Variants in RBMS3 observed in about 807,000 individuals in gnomAD.
The protein encoded by RBMS3 is RNA-binding motif, single-stranded-interacting protein 3.
Under a neutral mutation model 66.8 loss-of-function variants are expected in RBMS3, and 27 were observed. The ratio of observed to expected loss-of-function variants is 0.40; its 90% CI spans 0.30 to 0.56. RBMS3 has a LOEUF of 0.56. Among genes scored for constraint, RBMS3 ranks in the 20% least tolerant of loss-of-function variants. The pLI is 0.40. For synonymous variants in RBMS3, 188 were observed against 183.0 expected (o/e 1.03, Z -0.22); for missense variants, 513 against 549.5 (o/e 0.93, Z 0.66).
chr3:29,686,653 G>C (rs76405898), intron 4 of RBMS3, among the ~76,000 whole-genome samples: 7,727 of 151,998 alleles, frequency 0.051, 677 homozygotes, highest in African/African-American at 0.18. Context: ...CTCTATCCTG[G>C]ACCACACAGA....
chr3:29,618,991 C>T (rs2048770247), intron 4 of RBMS3, among the ~76,000 whole-genome samples: 1 of 151,938 alleles, frequency 6.6e-6, no homozygotes, highest in Non-Finnish European at 1.5e-5. Flanking sequence ...AAGATCTTCT[C>T]CAGTGTGTGA....
intron 4 of RBMS3, among the ~76,000 whole-genome samples, chr3:29,639,474 T>A (rs1026620361): frequency 6.6e-6 from 1 of 151,782 alleles, no homozygotes; most frequent in Non-Finnish European, 1.5e-5. Flanking sequence ...AAGGTTGAAT[T>A]TACTTGGCCA....
Position 29,974,439 on chromosome 3 carries a change from C to G in RBMS3, c.1099-13704C>G, listed in dbSNP as rs142724256. On this transcript the variant is annotated intron_variant, in intron 12 of 14. Transcript: ENST00000383767. ...TTGTTTTCTGTCAGTTTTTTAAAAG[C>G]TCTTTTATTGAAGTATAACACATGT... Among the ~76,000 whole-genome samples, 714 of 151,882 alleles carry G rather than the reference C, an allele frequency of 4.7e-3. 14 individuals are homozygous for G. In the East Asian group the frequency reaches 0.083, roughly 18 times the overall value.
In RBMS3 at chr3:29,959,969, C is replaced by T. The variant is rs973606912; in HGVS notation, c.1098+15715C>T. Among the ~76,000 whole-genome samples the T allele has an allele frequency of 1.8e-4, 28 of 152,172 alleles. 1 individual carries two copies. In the South Asian group the frequency reaches 3.3e-3, roughly 18 times the overall value. On this transcript the variant is annotated intron_variant, in intron 12 of 14. Coordinates refer to ENST00000383767, the MANE Select transcript of RBMS3 (RefSeq NM_001003793.3). ...ATACCCAAACCATATTATTTCACCCCGGCCCCTCCCAAATCTCATGTCCTT... is the reference window on the plus strand; with the variant it reads ...ATACCCAAACCATATTATTTCACCCTGGCCCCTCCCAAATCTCATGTCCTT...
At chr3:29,940,295 C>A (rs950606829) in intron 11 of RBMS3, among the ~76,000 whole-genome samples, 21 of 151,894 alleles carry the variant, frequency 1.4e-4, no homozygotes, top group African/African-American at 4.8e-4. Context: ...ACGTCTCTCT[C>A]CTAACTGAAA....
At chr3:29,686,790 A>G (rs546493032) in intron 4 of RBMS3, among the ~76,000 whole-genome samples, 1 of 152,364 alleles carries the variant, frequency 6.6e-6, no homozygotes, top group East Asian at 1.9e-4. Context: ...ATCTTGGTAC[A>G]TATAAACTCT....
chr3:29,953,026 G>T (rs750614205), intron 12 of RBMS3, among the ~76,000 whole-genome samples: 8 of 151,922 alleles, frequency 5.3e-5, no homozygotes, highest in Non-Finnish European at 1.2e-4. Flanking sequence ...ACATAGTTAA[G>T]TTCATTAGCT....
chr3:29,287,081 T>A (rs1335064027), intron 1 of RBMS3, among the ~76,000 whole-genome samples: 1 of 152,096 alleles, frequency 6.6e-6, no homozygotes, highest in Non-Finnish European at 1.5e-5. Context: ...AAAGCGAAAA[T>A]GTATTCATGT....
chr3:29,998,064 A>T (rs1283638287), intron 14 of RBMS3, among the ~76,000 whole-genome samples: 2 of 152,248 alleles, frequency 1.3e-5, no homozygotes, highest in Non-Finnish European at 2.9e-5. Flanking sequence ...AAGCAACTTC[A>T]GCAAAGTCTC....
At chr3:29,942,619 T>C (rs2061419055) in intron 11 of RBMS3, among the ~76,000 whole-genome samples, 1 of 151,814 alleles carries the variant, frequency 6.6e-6, no homozygotes, top group Non-Finnish European at 1.5e-5. Flanking sequence ...ATTATAAGGC[T>C]AAAGAGAAAT....
At chr3:29,578,363 A>G (rs940093581) in intron 3 of RBMS3, among the ~76,000 whole-genome samples, 57 of 151,986 alleles carry the variant, frequency 3.8e-4, no homozygotes, top group African/African-American at 1.3e-3. Context: ...TATACATATA[A>G]GTGCTTTTTT....
intron 12 of RBMS3, among the ~76,000 whole-genome samples, chr3:29,949,770 A>G (rs1046904024): frequency 1.3e-5 from 2 of 151,416 alleles, no homozygotes; most frequent in Non-Finnish European, 2.9e-5. Context: ...TAATATTTTC[A>G]TTATATATTG....
chr3:29,934,307 T>C (rs2061209739), intron 10 of RBMS3, among the ~76,000 whole-genome samples: 1 of 150,612 alleles, frequency 6.6e-6, no homozygotes, highest in South Asian at 2.1e-4. Context: ...CACTTTTTGG[T>C]TGAAAAAAAA....
chr3:29,770,984 C>G (rs1055417623), intron 6 of RBMS3, among the ~76,000 whole-genome samples: 1 of 151,948 alleles, frequency 6.6e-6, no homozygotes, highest in Non-Finnish European at 1.5e-5. Flanking sequence ...AAAAAGCCTG[C>G]TATACATACA....
intron 3 of RBMS3, among the ~76,000 whole-genome samples, chr3:29,562,959 G>A (rs2046609294): frequency 6.6e-6 from 1 of 152,134 alleles, no homozygotes; most frequent in Admixed American, 6.6e-5. Flanking sequence ...CTGGAGGTTG[G>A]AGACATGTCT....
chr3:29,727,450 T>A (rs942617708), intron 4 of RBMS3, among the ~76,000 whole-genome samples: 1 of 151,826 alleles, frequency 6.6e-6, no homozygotes, highest in Non-Finnish European at 1.5e-5. Context: ...TGGGAGAAAA[T>A]TTTTGCAATC....
At chr3:29,445,096 C>G (rs1359446210) in intron 2 of RBMS3, among the ~76,000 whole-genome samples, 1 of 151,728 alleles carries the variant, frequency 6.6e-6, no homozygotes, top group Non-Finnish European at 1.5e-5. Flanking sequence ...TAAGTGGTAA[C>G]TGATAAATAT....
intron 5 of RBMS3, among the ~76,000 whole-genome samples, chr3:29,746,639 T>C (rs2054907239): frequency 6.6e-6 from 1 of 152,160 alleles, no homozygotes; most frequent in African/African-American, 2.4e-5. Context: ...CATCAGAAAG[T>C]CAAAATCACA....
chr3:29,912,360 T>C (rs1035994056), intron 10 of RBMS3, among the ~76,000 whole-genome samples: 1 of 152,054 alleles, frequency 6.6e-6, no homozygotes, highest in Non-Finnish European at 1.5e-5. Context: ...ATTAAAGACG[T>C]GCATCTTCTC....
Sources: gnomAD v4.1 joint callset for allele counts (sites outside exome capture counted in the v4.1 genomes callset) on GRCh38, gnomAD v4.1.1 for gene constraint, MANE v1.5 for transcripts, NCBI Gene and HGNC (gene_info 2026-07-23, HGNC 2026-07-21) for gene names.